Variants in SRGAP3 observed in about 807,000 individuals in gnomAD.
SRGAP3 encodes the protein SLIT-ROBO Rho GTPase activating protein 3, also known as SLIT-ROBO Rho GTPase-activating protein 3.
A neutral mutation model predicts 121.1 loss-of-function variants in SRGAP3; 39 were observed. The ratio of observed to expected loss-of-function variants is 0.32; its 90% CI spans 0.25 to 0.42. SRGAP3 has a LOEUF of 0.42. Among genes scored for constraint, SRGAP3 ranks in the 10% least tolerant of loss-of-function variants. The pLI, the probability that SRGAP3 is intolerant of heterozygous loss-of-function variation, is 1.00. For missense variants in SRGAP3, 1,213 were observed against 1,470.6 expected, an observed-to-expected ratio of 0.82 and a Z score of 2.86; for synonymous variants, 601 against 570.0, an observed-to-expected ratio of 1.05 and a Z score of -0.77.
intron 3 of SRGAP3, among the ~76,000 whole-genome samples, chr3:9,256,547 A>T (rs937348011): frequency 2.6e-5 from 4 of 151,958 alleles, no homozygotes; most frequent in Non-Finnish European, 5.9e-5. Flanking sequence ...GAAGCAGAGT[A>T]ACAAGAACAG....
chr3:9,174,479 A>T (rs1372571967), intron 1 of SRGAP3, among the ~76,000 whole-genome samples: 1 of 152,198 alleles, frequency 6.6e-6, no homozygotes, highest in African/African-American at 2.4e-5. Flanking sequence ...GGGAGTAGGG[A>T]AGGAGAGCAG....
At chr3:9,068,963 A>C (rs895672701) in intron 4 of SRGAP3, among the ~76,000 whole-genome samples, 8 of 152,258 alleles carry the variant, frequency 5.3e-5, no homozygotes, top group East Asian at 3.9e-4. Context: ...TTATTTCTCA[A>C]AAAAACCCTA....
chr3:9,257,698 CTTTTTTTTTTTTTT>C (rs386395913), intron 3 of SRGAP3, among the ~76,000 whole-genome samples: 2 of 73,202 alleles, frequency 2.7e-5, no homozygotes, highest in African/African-American at 5.1e-5. Context: ...AAAATAGCTC[CTTTTTTTTTTTTTT>C]TTTTTTTTTT....
chr3:9,211,507 C>T (rs1154392), intron 1 of SRGAP3, among the ~76,000 whole-genome samples: 45,767 of 151,956 alleles, frequency 0.3, 7,152 homozygotes, highest in Middle Eastern at 0.4. Context: ...CTAGGGACAT[C>T]ACAGTTTATA....
At chr3:9,025,163 G>T in intron 14 of SRGAP3, 98 bp downstream of exon 14, 1 of 1,274,834 alleles carries the variant, frequency 7.8e-7, no homozygotes. Context: ...GCAAACCACT[G>T]CAGGCTGGCT....
chr3:9,020,581 T>A (rs1943866223), intron 14 of SRGAP3, among the ~76,000 whole-genome samples: 3 of 152,240 alleles, frequency 2.0e-5, no homozygotes, highest in Admixed American at 2.0e-4. Context: ...TAAGCATGAT[T>A]CGCATATTGA....
intron 3 of SRGAP3, among the ~76,000 whole-genome samples, chr3:9,090,428 C>T (rs1295706316): frequency 1.3e-5 from 2 of 151,758 alleles, no homozygotes; most frequent in African/African-American, 4.8e-5. Flanking sequence ...ATCAAGTGAA[C>T]ATTAATTCAT....
At chr3:9,186,560 T>C (rs1344712424) in intron 1 of SRGAP3, among the ~76,000 whole-genome samples, 2 of 152,210 alleles carry the variant, frequency 1.3e-5, no homozygotes, top group Non-Finnish European at 2.9e-5. Context: ...AATCCTCATG[T>C]AATTCACCAG....
chr3:9,141,934 A>C (rs1338399379), intron 1 of SRGAP3, among the ~76,000 whole-genome samples: 3 of 152,256 alleles, frequency 2.0e-5, no homozygotes, highest in Non-Finnish European at 4.4e-5. Flanking sequence ...GAAAAGCCTC[A>C]GAAAAAAATA....
chr3:8,994,269 C>T, intron 19 of SRGAP3, 74 bp downstream of exon 19: 3 of 1,592,604 alleles, frequency 1.9e-6, no homozygotes, highest in Non-Finnish European at 2.6e-6. Flanking sequence ...CAAGCTAGCA[C>T]TCCCCTACGG....
intron 10 of SRGAP3, among the ~76,000 whole-genome samples, chr3:9,043,188 C>T (rs1945102134): frequency 6.6e-6 from 1 of 152,184 alleles, no homozygotes; most frequent in Non-Finnish European, 1.5e-5. Flanking sequence ...GAGACTTGCT[C>T]TGTCGCCCAG....
chr3:9,097,912 C>T (rs1475603696), intron 3 of SRGAP3, among the ~76,000 whole-genome samples: 3 of 152,160 alleles, frequency 2.0e-5, no homozygotes, highest in Non-Finnish European at 2.9e-5. Context: ...TCCGACTTCT[C>T]GGTTTGCTAA....
chr3:9,034,420 G>A (rs1944649759), intron 11 of SRGAP3: 1 of 152,242 alleles, frequency 6.6e-6, no homozygotes, highest in Non-Finnish European at 1.5e-5. Flanking sequence ...CAGGATTAAT[G>A]AGATTCATGC....
chr3:9,025,202 G>A (rs1397194658), intron 14 of SRGAP3, 59 bp downstream of exon 14: 54 of 1,577,102 alleles, frequency 3.4e-5, no homozygotes, highest in Non-Finnish European at 4.1e-5. Flanking sequence ...TGAGACACAC[G>A]TGAATATTCA....
intron 1 of SRGAP3, among the ~76,000 whole-genome samples, chr3:9,202,624 C>A (rs1189355712): frequency 2.0e-5 from 3 of 152,216 alleles, no homozygotes; most frequent in Non-Finnish European, 4.4e-5. Context: ...CCTCGAGCCC[C>A]CTCCTGGATT....
rs577641326 is a variant in SRGAP3 at position 9,138,982 on chromosome 3, G to A, written c.68-14065C>T. Among the ~76,000 whole-genome samples the A allele has an allele frequency of 2.6e-5, 4 of 152,288 alleles. No homozygotes were observed. In the East Asian group the frequency reaches 7.7e-4, roughly 29 times the overall value. On this transcript the variant is annotated intron_variant, in intron 1 of 21. Transcript: ENST00000383836. ...GCTCATGCCTCATCTTCAAGAAACA[G>A]TGATTGGCCCAACCTCTTAATTCAC...
intron 3 of SRGAP3, among the ~76,000 whole-genome samples, chr3:9,306,786 A>G (rs1400157087): frequency 6.6e-6 from 1 of 152,138 alleles, no homozygotes; most frequent in Non-Finnish European, 1.5e-5. Flanking sequence ...GAGCAGCACA[A>G]TCTCCTGGCT....
In SRGAP3 at chr3:9,344,090, C is replaced by T. The variant is rs557982522; in HGVS notation, n.215-13494G>A. Among the ~76,000 whole-genome samples the T allele has an allele frequency of 2.0e-5, 3 of 152,302 alleles. No individual in the cohort carries two copies. In the East Asian group the frequency reaches 5.8e-4, roughly 29 times the overall value. The stretch of plus-strand genomic sequence containing the variant: ...ATCCCAGCACTTTGGGAGGCCAAGA[C>T]GGGCAGATCACCTGAGGTCAGGAGT... On this transcript the variant is annotated intron_variant and non_coding_transcript_variant, in intron 1 of 3. Coordinates refer to the SRGAP3 transcript ENST00000490889.
chr3:8,986,071 C>G, intron 21 of SRGAP3, 139 bp from the exon 22 acceptor site: 1 of 1,512,534 alleles, frequency 6.6e-7, no homozygotes, highest in Non-Finnish European at 8.9e-7. Context: ...CTCAGGATGT[C>G]TTATAACCAC....
Sources: gnomAD v4.1 joint callset for allele counts (sites outside exome capture counted in the v4.1 genomes callset) on GRCh38, gnomAD v4.1.1 for gene constraint, MANE v1.5 for transcripts, NCBI Gene and HGNC (gene_info 2026-07-23, HGNC 2026-07-21) for gene names.